GSG1L: variants seen among roughly 807,000 people sequenced by gnomAD.
GSG1L encodes the protein germ cell-specific gene 1-like protein.
A neutral mutation model predicts 42.1 loss-of-function variants in GSG1L; 24 were observed. That is an observed-to-expected ratio of 0.57 (90% confidence interval 0.41 to 0.80). The LOEUF (loss-of-function observed/expected upper bound fraction) is 0.80, where lower values mean the gene tolerates loss of function less well. GSG1L is among the 30% of genes least tolerant of loss of function. GSG1L has a pLI of 0.00. For synonymous variants in GSG1L, 215 were observed against 203.5 expected, an observed-to-expected ratio of 1.06 and a Z score of -0.48; for missense variants, 445 against 472.2, an observed-to-expected ratio of 0.94 and a Z score of 0.53.
At chr16:27,978,295 A>G (rs1234796421) in intron 1 of GSG1L, among the ~76,000 whole-genome samples, 6 of 152,210 alleles carry the variant, frequency 3.9e-5, no homozygotes, top group Non-Finnish European at 8.8e-5. Context: ...GTGTGAAGGC[A>G]GCAAGGAGAG....
rs1047704880 is a variant in GSG1L at position 27,884,002 on chromosome 16, A to G, written c.550+484T>C. On this transcript the variant is annotated intron_variant, in intron 3 of 6. Coordinates refer to ENST00000447459, the MANE Select transcript of GSG1L (RefSeq NM_001109763.2). The surrounding 1 kb of genome is among the most constrained non-coding windows in gnomAD (Gnocchi z 4.4). ...GATGTGTTTGATCATTCGACTTCCC[A>G]TGCAGCATCTCCACGTGGAGTTCTC... Among the ~76,000 whole-genome samples the G allele has an allele frequency of 2.0e-5, 3 of 152,154 alleles. No individual in the cohort carries two copies. The highest frequency in any genetic ancestry group is 1.3e-4 in the Admixed American group (2 of 15,280).
chr16:27,913,161 A>G (rs776298691), intron 2 of GSG1L, among the ~76,000 whole-genome samples: 24 of 152,206 alleles, frequency 1.6e-4, no homozygotes, highest in Non-Finnish European at 2.4e-4. Context: ...TAAACAAGTT[A>G]ACTCTGTGTA....
At chr16:27,992,697 G>A (rs536611835) in intron 1 of GSG1L, among the ~76,000 whole-genome samples, 3 of 152,256 alleles carry the variant, frequency 2.0e-5, no homozygotes, top group African/African-American at 2.4e-5. Flanking sequence ...TGCAGAACAC[G>A]CTTCCTCTTC....
chr16:28,020,152 A>G (rs1057138789), intron 1 of GSG1L, among the ~76,000 whole-genome samples: 1 of 152,200 alleles, frequency 6.6e-6, no homozygotes, highest in Non-Finnish European at 1.5e-5. Context: ...CTGTTCCCAA[A>G]GAGATCAAAA....
At position 28,059,960 on chromosome 16, in the gene GSG1L, G is replaced by C. The variant is rs528297341; in HGVS notation, c.349+3116C>G. Among the ~76,000 whole-genome samples, 3 of 152,290 alleles carry C rather than the reference G, an allele frequency of 2.0e-5. No homozygotes were observed. In the East Asian group the frequency reaches 5.8e-4, roughly 29 times the overall value. On this transcript the variant is annotated intron_variant, in intron 1 of 6. Transcript: ENST00000447459. This position sits in a 1 kb window ranked among gnomAD's most constrained non-coding sequence, Gnocchi z 4.4. ...TACATTTCCCTGTGGCTGCCCGAGT[G>C]GGGAGAGGTTTTTCTGAGCCTAGAA...
At chr16:27,937,009 G>A (rs2084726080) in intron 2 of GSG1L, among the ~76,000 whole-genome samples, 3 of 152,086 alleles carry the variant, frequency 2.0e-5, no homozygotes, top group South Asian at 2.1e-4. Flanking sequence ...TCAGTCCCTC[G>A]CGGTGGGCAC....
chr16:27,990,761 T>C (rs1458008127), intron 1 of GSG1L, among the ~76,000 whole-genome samples: 2 of 152,238 alleles, frequency 1.3e-5, no homozygotes, highest in African/African-American at 4.8e-5. Context: ...GTCTTTGCTA[T>C]TGTGAATAGT....
intron 2 of GSG1L, among the ~76,000 whole-genome samples, chr16:27,920,304 C>A (rs947945436): frequency 6.6e-6 from 1 of 152,218 alleles, no homozygotes; most frequent in Non-Finnish European, 1.5e-5. Context: ...TGGACTGTAG[C>A]ATGGCTGCCT....
At chr16:27,985,996 C>A (rs2085377261) in intron 1 of GSG1L, among the ~76,000 whole-genome samples, 1 of 152,130 alleles carries the variant, frequency 6.6e-6, no homozygotes, top group South Asian at 2.1e-4. Context: ...TGGTCTAAAA[C>A]TCTGCTCTCT....
intron 2 of GSG1L, among the ~76,000 whole-genome samples, chr16:27,952,750 T>C (rs2084963998): frequency 6.6e-6 from 1 of 152,262 alleles, no homozygotes; most frequent in African/African-American, 2.4e-5. Flanking sequence ...AAATTCAGCA[T>C]AGGAAACACT....
At chr16:27,866,582 AT>A (rs1458726015) in intron 3 of GSG1L, among the ~76,000 whole-genome samples, 1 of 151,600 alleles carries the variant, frequency 6.6e-6, no homozygotes, top group Non-Finnish European at 1.5e-5. Flanking sequence ...TTCTTTTTTA[AT>A]TTTTTCGAGA....
chr16:27,842,651 G>A (rs58194708), intron 4 of GSG1L, among the ~76,000 whole-genome samples: 4,928 of 152,184 alleles, frequency 0.032, 286 homozygotes, highest in African/African-American at 0.11. Context: ...GCTTCCCTGG[G>A]ATTGTTCTAC....
intron 4 of GSG1L, among the ~76,000 whole-genome samples, chr16:27,836,500 T>C (rs778725011): frequency 4.0e-4 from 61 of 152,270 alleles, no homozygotes; most frequent in Admixed American, 1.4e-3. Flanking sequence ...GTTATATTTT[T>C]GGTTGTAGTT....
At chr16:27,806,684 T>C (rs1394038050) in intron 6 of GSG1L, among the ~76,000 whole-genome samples, 1 of 152,180 alleles carries the variant, frequency 6.6e-6, no homozygotes, top group African/African-American at 2.4e-5. Context: ...TACAGATAGA[T>C]GCCACTGGAG....
intron 1 of GSG1L, among the ~76,000 whole-genome samples, chr16:27,990,404 T>C (rs1282467507): frequency 6.6e-6 from 1 of 152,236 alleles, no homozygotes; most frequent in African/African-American, 2.4e-5. Context: ...ACGTTTTCTT[T>C]TGCCACTGGA....
chr16:27,899,400 G>A (rs553374878), intron 2 of GSG1L, among the ~76,000 whole-genome samples: 1 of 152,240 alleles, frequency 6.6e-6, no homozygotes, highest in African/African-American at 2.4e-5. Flanking sequence ...ACTCACAGGT[G>A]AGGAATTACA....
chr16:27,965,721 G>A (rs953926944), intron 1 of GSG1L, among the ~76,000 whole-genome samples: 2 of 152,126 alleles, frequency 1.3e-5, no homozygotes, highest in East Asian at 1.9e-4. Flanking sequence ...GCCACTTCTC[G>A]CCACCTCCGC....
At chr16:28,031,751 G>C (rs1050483278) in intron 1 of GSG1L, among the ~76,000 whole-genome samples, 5 of 152,140 alleles carry the variant, frequency 3.3e-5, no homozygotes, top group African/African-American at 1.2e-4. Flanking sequence ...ATAAACATCT[G>C]TTAGCTACAT....
intron 2 of GSG1L, among the ~76,000 whole-genome samples, chr16:27,920,905 C>T (rs919080516): frequency 3.7e-4 from 57 of 152,214 alleles, no homozygotes; most frequent in Admixed American, 3.9e-4. Flanking sequence ...TATGTTTAGT[C>T]GTGGGGAATA....
Sources: allele counts gnomAD v4.1 joint callset (sites outside exome capture counted in the v4.1 genomes callset), GRCh38; gene constraint gnomAD v4.1.1; non-coding constraint Gnocchi (gnomAD v3.1); transcripts MANE v1.5; gene names NCBI Gene and HGNC (gene_info 2026-07-23, HGNC 2026-07-21).